The following QNG1 variants were observed in gnomAD, a reference collection of about 807,000 sequenced individuals.
QNG1 encodes the protein queuosine 5'-phosphate N-glycosylase/hydrolase.
At chr9:83,956,923 G>A in the QNG1 span, 1 of 158,846 alleles carries the variant, frequency 6.3e-6, no homozygotes, top group Non-Finnish European at 1.4e-5. Context: ...GGGACTCGAA[G>A]ACGGCGACTC....
chr9:83,945,749 C>A, the QNG1 span, among the ~76,000 whole-genome samples: 1 of 151,584 alleles, frequency 6.6e-6, no homozygotes, highest in Non-Finnish European at 1.5e-5. Flanking sequence ...CTACGGGCGC[C>A]GTCACCACGC....
At chr9:83,956,614 G>T in the QNG1 span, 4 of 844,826 alleles carry the variant, frequency 4.7e-6, no homozygotes, top group Non-Finnish European at 7.1e-6. Context: ...ACAAGGTCCC[G>T]CCCTGCCAGG....
the QNG1 span, among the ~76,000 whole-genome samples, chr9:83,954,939 T>C: frequency 6.8e-6 from 1 of 146,818 alleles, no homozygotes; most frequent in African/African-American, 2.5e-5. Flanking sequence ...GGTTCACGCC[T>C]GTAATCACAA....
At chr9:83,938,492 C>T in the QNG1 span, 1 of 151,810 alleles carries the variant, frequency 6.6e-6, no homozygotes, top group African/African-American at 2.4e-5. Context: ...TATCAAAAAC[C>T]TCTCTCTTTT....
At chr9:83,948,212 C>T in the QNG1 span, among the ~76,000 whole-genome samples, 29 of 150,724 alleles carry the variant, frequency 1.9e-4, no homozygotes, top group African/African-American at 7.1e-4. Context: ...GCCACCCCGT[C>T]TGGGAGGTGA....
chr9:83,939,520 T>C, the QNG1 span: 1 of 1,610,284 alleles, frequency 6.2e-7, no homozygotes, highest in Non-Finnish European at 8.5e-7. Flanking sequence ...GTCAATAATA[T>C]ATGCAACGTA....
the QNG1 span, chr9:83,956,749 G>T: frequency 2.4e-6 from 1 of 408,396 alleles, no homozygotes. Context: ...TTCCGGGAAA[G>T]CGGTCCCGTT....
chr9:83,946,546 A>G, the QNG1 span, among the ~76,000 whole-genome samples: 1 of 152,218 alleles, frequency 6.6e-6, no homozygotes, highest in Non-Finnish European at 1.5e-5. Flanking sequence ...TTATATTTAT[A>G]CATAGAAAAG....
chr9:83,945,892 G>A, the QNG1 span, among the ~76,000 whole-genome samples: 14 of 152,156 alleles, frequency 9.2e-5, no homozygotes, highest in South Asian at 6.3e-4. Context: ...GTAAGCCACC[G>A]TGCCTGGCCC....
At chr9:83,956,755 C>G in the QNG1 span, 1 of 397,610 alleles carries the variant, frequency 2.5e-6, no homozygotes, top group African/African-American at 2.1e-5. Context: ...GAAAGCGGTC[C>G]CGTTCACGCC....
At chr9:83,939,084 GT>G in the QNG1 span, 1 of 170,898 alleles carries the variant, frequency 5.9e-6, no homozygotes, top group Admixed American at 5.9e-5. Flanking sequence ...TGTTGTTGTT[GT>G]TTTTTGAGAC....
chr9:83,956,092 C>T, the QNG1 span: 1 of 1,479,678 alleles, frequency 6.8e-7, no homozygotes, highest in South Asian at 1.2e-5. Flanking sequence ...CTCCTTGGAA[C>T]TCCCCTACAC....
At chr9:83,943,040 G>C in the QNG1 span, among the ~76,000 whole-genome samples, 1 of 152,196 alleles carries the variant, frequency 6.6e-6, no homozygotes, top group South Asian at 2.1e-4. Context: ...TGATGTATAG[G>C]ATTTGAATTG....
the QNG1 span, chr9:83,945,127 G>A: frequency 1.4e-6 from 1 of 700,244 alleles, no homozygotes; most frequent in Non-Finnish European, 2.2e-6. Flanking sequence ...AGATTGGCCG[G>A]GCACCATGGC....
At chr9:83,952,122 A>G in the QNG1 span, among the ~76,000 whole-genome samples, 1 of 151,634 alleles carries the variant, frequency 6.6e-6, no homozygotes, top group African/African-American at 2.4e-5. Flanking sequence ...GAGTAGCTAG[A>G]ACCACAGGCA....
At chr9:83,955,519 A>G in the QNG1 span, 2 of 1,614,210 alleles carry the variant, frequency 1.2e-6, no homozygotes, top group Non-Finnish European at 1.7e-6. Flanking sequence ...TCCCGGTTTC[A>G]TTGAGAATCC....
the QNG1 span, among the ~76,000 whole-genome samples, chr9:83,952,795 A>G: frequency 5.9e-5 from 8 of 136,172 alleles, no homozygotes; most frequent in South Asian, 2.4e-4. Flanking sequence ...ACTCCGTCTG[A>G]AAAAAAAAAA....
the QNG1 span, chr9:83,939,186 G>C: frequency 2.0e-5 from 5 of 244,876 alleles, no homozygotes; most frequent in Non-Finnish European, 3.2e-5. Flanking sequence ...CGATTCTCTT[G>C]CCTCAGCCTC....
At chr9:83,949,293 A>C in the QNG1 span, among the ~76,000 whole-genome samples, 1 of 152,296 alleles carries the variant, frequency 6.6e-6, no homozygotes, top group South Asian at 2.1e-4. Context: ...GTTCCTCTAT[A>C]TAAACTGGAT....
Sources: gnomAD v4.1 joint callset for allele counts (sites outside exome capture counted in the v4.1 genomes callset) on GRCh38, gnomAD v4.1.1 for gene constraint, MANE v1.5 for transcripts, NCBI Gene and HGNC (gene_info 2026-07-23, HGNC 2026-07-21) for gene names.